The following MUSK variants were observed in gnomAD, a reference collection of about 807,000 sequenced individuals.
The protein encoded by MUSK is muscle, skeletal receptor tyrosine-protein kinase.
In MUSK, 55 loss-of-function variants were observed where a neutral mutation model predicts 88.7. The ratio of observed to expected loss-of-function variants is 0.62; its 90% CI spans 0.50 to 0.78. The LOEUF is 0.78. Ranked by LOEUF, MUSK falls within the 30% of genes least tolerant of loss-of-function variation. The pLI is 0.00. For synonymous variants in MUSK, 387 were observed against 391.9 expected (o/e 0.99, Z 0.15); for missense variants, 1,015 against 1,074.3 (o/e 0.94, Z 0.77).
At chr9:110,690,316 A>G (rs1223234357) in intron 3 of MUSK, among the ~76,000 whole-genome samples, 4 of 101,610 alleles carry the variant, frequency 3.9e-5, no homozygotes, top group Non-Finnish European at 6.8e-5. Context: ...GTATAAATAT[A>G]GAAATATATA....
intron 3 of MUSK, among the ~76,000 whole-genome samples, chr9:110,691,858 T>C (rs1333421738): frequency 6.6e-6 from 1 of 152,140 alleles, no homozygotes; most frequent in Admixed American, 6.6e-5. Flanking sequence ...TTGTGCACGA[T>C]TGGAAGTCTT....
chr9:110,679,111 T>C (rs138425975), intron 1 of MUSK, among the ~76,000 whole-genome samples: 235 of 152,224 alleles, frequency 1.5e-3, no homozygotes, highest in African/African-American at 5.2e-3. Flanking sequence ...TATCTAGTGT[T>C]AATTTTGATG....
chr9:110,688,412 C>T (rs927627495), intron 3 of MUSK, among the ~76,000 whole-genome samples: 13 of 151,868 alleles, frequency 8.6e-5, no homozygotes, highest in African/African-American at 2.2e-4. Context: ...CGTATGTAGT[C>T]GTTAAGGTAA....
intron 5 of MUSK, among the ~76,000 whole-genome samples, chr9:110,699,387 T>G (rs2076473040): frequency 6.6e-6 from 1 of 152,166 alleles, no homozygotes; most frequent in Non-Finnish European, 1.5e-5. Flanking sequence ...CCTATTAAAA[T>G]AGCCAAAATA....
intron 10 of MUSK, 33 bp downstream of exon 10, chr9:110,775,996 T>G (rs1015651549): frequency 1.3e-5 from 20 of 1,551,960 alleles, no homozygotes; most frequent in Admixed American, 2.1e-5. Context: ...CTTTGGAGGT[T>G]AAGAGAAATT....
chr9:110,737,972 A>G (rs935840807), intron 6 of MUSK, among the ~76,000 whole-genome samples: 1 of 152,148 alleles, frequency 6.6e-6, no homozygotes, highest in Non-Finnish European at 1.5e-5. Context: ...ATATGCATAC[A>G]TTATAGCTCC....
At position 110,711,289 on chromosome 9, in the gene MUSK, GTGAACAAT is replaced by G. The variant is rs1268804328; in HGVS notation, c.628+13824_628+13831del. On this transcript the variant is annotated intron_variant, in intron 5 of 14. Transcript: ENST00000374448. ...AAATTTAGTGCCTGGCTGAAGCTCTGTGAACAATGGCTGCAGAGGAGCTTCCTGCCAGC... is the reference window on the plus strand; with the variant it reads ...AAATTTAGTGCCTGGCTGAAGCTCTGGGCTGCAGAGGAGCTTCCTGCCAGC... Among the ~76,000 whole-genome samples the G allele has an allele frequency of 5.3e-5, 8 of 152,302 alleles. No individual in the cohort carries two copies. The East Asian group carries it at 1.5e-3, about 29-fold the overall frequency.
At chr9:110,688,799 C>T (rs748146997) in intron 3 of MUSK, among the ~76,000 whole-genome samples, 4 of 151,728 alleles carry the variant, frequency 2.6e-5, no homozygotes, top group African/African-American at 9.7e-5. Context: ...TGATTTCATT[C>T]CATTTTATGG....
intron 7 of MUSK, among the ~76,000 whole-genome samples, chr9:110,755,911 T>C (rs933751087): frequency 3.0e-5 from 4 of 134,450 alleles, no homozygotes; most frequent in African/African-American, 1.0e-4. Context: ...ACATTCTCAG[T>C]GCCCAGTGCC....
intron 7 of MUSK, among the ~76,000 whole-genome samples, chr9:110,761,152 A>G (rs905751388): frequency 6.6e-6 from 1 of 152,226 alleles, no homozygotes; most frequent in South Asian, 2.1e-4. Context: ...AATGCTGGTT[A>G]TATCACACCC....
At chr9:110,760,187 C>T (rs541658856) in intron 7 of MUSK, among the ~76,000 whole-genome samples, 1 of 152,232 alleles carries the variant, frequency 6.6e-6, no homozygotes, top group Admixed American at 6.5e-5. Context: ...AACTACCATT[C>T]GACCCAGCAA....
At chr9:110,730,804 T>C (rs2076953653) in intron 5 of MUSK, among the ~76,000 whole-genome samples, 1 of 152,120 alleles carries the variant, frequency 6.6e-6, no homozygotes, top group Admixed American at 6.6e-5. Flanking sequence ...ATCAGCTTTA[T>C]TGCTGATAAG....
chr9:110,798,708 A>G (rs1392387947), intron 14 of MUSK, among the ~76,000 whole-genome samples: 1 of 152,164 alleles, frequency 6.6e-6, no homozygotes, highest in African/African-American at 2.4e-5. Flanking sequence ...CTTCCTCTCA[A>G]TAATTATTAT....
intron 5 of MUSK, among the ~76,000 whole-genome samples, chr9:110,703,144 T>C (rs1490576158): frequency 1.3e-5 from 2 of 152,158 alleles, no homozygotes; most frequent in South Asian, 2.1e-4. Flanking sequence ...TCCAACATAA[T>C]ATACAAAGAA....
chr9:110,675,244 CAG>C lies in MUSK; in HGVS notation c.79+6264_79+6265del, dbSNP rs1292073319. Among the ~76,000 whole-genome samples, 3 of 102,686 alleles carry C rather than the reference CAG, an allele frequency of 2.9e-5. No individual in the cohort carries two copies. The Admixed American group carries it at 3.7e-4, about 13-fold the overall frequency. 67.4% of individuals were successfully genotyped at this position (102,686 alleles called of 152,430 possible). On this transcript the variant is annotated intron_variant, in intron 1 of 14. Coordinates refer to ENST00000374448, the MANE Select transcript of MUSK (RefSeq NM_005592.4). Reference sequence around the variant, plus strand: ...TTTTTTTTTTTTTTTTTTTTTGAGACAGAGTCTTGCACTGTCGCCCAGGCTGG... The same window carrying C: ...TTTTTTTTTTTTTTTTTTTTTGAGACAGTCTTGCACTGTCGCCCAGGCTGG...
intron 5 of MUSK, among the ~76,000 whole-genome samples, chr9:110,701,930 T>C (rs1336581659): frequency 1.4e-5 from 2 of 143,570 alleles, no homozygotes; most frequent in South Asian, 4.3e-4. Context: ...TTTTATTTCA[T>C]AGAGACAGGG....
At chr9:110,682,623 T>C in intron 1 of MUSK, 51 bp from the exon 2 acceptor site, 2 of 1,595,258 alleles carry the variant, frequency 1.3e-6, no homozygotes, top group East Asian at 2.2e-5. Context: ...AAGGAAGGGT[T>C]AGTAAACAAA....
chr9:110,789,896 G>T (rs901357375), intron 14 of MUSK, among the ~76,000 whole-genome samples: 2 of 152,208 alleles, frequency 1.3e-5, no homozygotes, highest in African/African-American at 4.8e-5. Flanking sequence ...GATCTGGTTA[G>T]ACATGAATCC....
In MUSK at chr9:110,787,802, G is replaced by A; in HGVS notation, c.1891G>A (p.Ala631Thr). Residue 631 changes from alanine (A) to threonine (T), a missense_variant, in exon 14 of 15, where the codon GCA becomes ACA. By Grantham distance (58) the Ala-to-Thr change is moderately conservative (BLOSUM62 0). Transcript: ENST00000374448. ...ADFQREAALM[A>T]EFDNPNIVKL... is the part of the protein sequence containing the mutation. Reference sequence around the variant, plus strand: ...CTTTCAGAGGGAGGCAGCCCTCATGGCAGAATTTGACAACCCTAACATTGT... The same window carrying A: ...CTTTCAGAGGGAGGCAGCCCTCATGACAGAATTTGACAACCCTAACATTGT... The A allele has an allele frequency of 6.2e-7, 1 of 1,613,330 alleles. No individual in the cohort carries two copies. Among genetic ancestry groups the A allele is most frequent in the Non-Finnish European group, 8.5e-7 (1 of 1,179,552 alleles).
Sources: allele counts gnomAD v4.1 joint callset (sites outside exome capture counted in the v4.1 genomes callset), GRCh38; gene constraint gnomAD v4.1.1; transcripts MANE v1.5; gene names NCBI Gene and HGNC (gene_info 2026-07-23, HGNC 2026-07-21).